The following LTF variants were observed in gnomAD, a reference collection of about 807,000 sequenced individuals.
LTF encodes the protein epididymis luminal protein 110.
LTF carries 91 observed loss-of-function variants against 87.2 expected under a neutral mutation model. The ratio of observed to expected loss-of-function variants is 1.04; its 90% CI spans 0.88 to 1.24. The LOEUF (loss-of-function observed/expected upper bound fraction) is 1.24. Among genes scored for constraint, LTF ranks in the 50% most tolerant of loss-of-function variants. The pLI, the probability that LTF is intolerant of heterozygous loss-of-function variation, is 0.00. For missense variants in LTF, 901 were observed against 904.3 expected, an observed-to-expected ratio of 1.00 and a Z score of 0.05; for synonymous variants, 378 against 356.1, an observed-to-expected ratio of 1.06 and a Z score of -0.69.
At chr3:46,481,034 T>C (rs755158842) in intron 1 of LTF, among the ~76,000 whole-genome samples, 1 of 152,154 alleles carries the variant, frequency 6.6e-6, no homozygotes, top group Non-Finnish European at 1.5e-5. Context: ...CCACACTCCT[T>C]GCCCACAGCA....
At position 46,441,398 on chromosome 3, in the gene LTF, G is replaced by A. The variant is rs1463804515; in HGVS notation, c.1723+18C>T. On this transcript the variant is annotated intron_variant, in intron 14 of 16. Coordinates refer to ENST00000231751, the MANE Select transcript of LTF (RefSeq NM_002343.6). Reference sequence around the variant, plus strand: ...AAAGACTCTGCTTTGAAGGAGAAAAGGAAACACCTTCACCTACCATCAGTG... The same window carrying A: ...AAAGACTCTGCTTTGAAGGAGAAAAAGAAACACCTTCACCTACCATCAGTG... 6 of 1,602,446 alleles carry A rather than the reference G, an allele frequency of 3.7e-6. No homozygotes were observed. The highest frequency in any genetic ancestry group is 8.5e-7 in the Non-Finnish European group (1 of 1,172,776).
In LTF at chr3:46,455,363, C is replaced by T. The variant is rs138961010; in HGVS notation, c.579G>A (p.Ala193=). 4,352 of 1,614,214 alleles carry T rather than the reference C, an allele frequency of 2.7e-3. 4 individuals carry two copies. The highest frequency in any genetic ancestry group is 3.3e-3 in the Non-Finnish European group (3,938 of 1,180,032). The part of the protein sequence containing the change: ...GQFPNLCRLC[A]GTGENKCAFS... ...AGGCACATTTGTTTTCCCCTGTCCC[C>T]GCACACAGGCGACACAGGTTGGGGA... The change falls in exon 5 of 17, where the codon GCG becomes GCA. Residue 193 remains alanine, a synonymous_variant. Coordinates refer to ENST00000231751, the MANE Select transcript of LTF (RefSeq NM_002343.6).
chr3:46,448,219 T>A (rs1702703816), intron 9 of LTF, among the ~76,000 whole-genome samples: 1 of 151,908 alleles, frequency 6.6e-6, no homozygotes, highest in South Asian at 2.1e-4. Context: ...TAATAATAAT[T>A]ATGCAGGTGT....
rs193150262 is a variant in LTF, at chr3:46,443,477, C to A, written c.1619G>T (p.Ser540Ile). The change falls in exon 13 of 17, where the codon AGC becomes ATC. Residue 540 changes from serine (S) to isoleucine (I), a missense_variant. Transcript: ENST00000231751. ...AGTGTAGCCGTAGTATCTCTCGTTG[C>A]TGTTGGGCACGCACTTATTCTCACC... ...EQGENKCVPN[S>I]NERYYGYTGA... 5.6e-6 allele frequency: 9 copies of A among 1,614,214 alleles called. No individual in the cohort carries two copies. In the African/African-American group the frequency reaches 1.2e-4, roughly 22 times the overall value.
rs749122028 is a variant in LTF at position 46,437,976 on chromosome 3, C to T, written c.2062G>A (p.Ala688Thr). 7.4e-6 allele frequency: 12 copies of T among 1,613,836 alleles called. No individual in the cohort carries two copies. Among genetic ancestry groups the T allele is most frequent in the African/African-American group, 2.7e-5 (2 of 74,934 alleles). The change falls in exon 16 of 17, where the codon GCA (alanine) becomes ACA (threonine). Residue 688 changes from alanine (A) to threonine (T), a missense_variant. Ala to Thr is a moderately conservative substitution (Grantham distance 58). Coordinates refer to ENST00000231751, the MANE Select transcript of LTF (RefSeq NM_002343.6). ...CACTTTTTCAGATTAGTAATGCCTG[C>T]GACATACTGTGGTCCCAAATATTTT... The part of the protein sequence containing the change: ...YEKYLGPQYV[A>T]GITNLKKCST...
At chr3:46,455,639 G>A (rs1260336079) in intron 4 of LTF, among the ~76,000 whole-genome samples, 157 bp downstream of exon 4, 1 of 152,162 alleles carries the variant, frequency 6.6e-6, no homozygotes, top group East Asian at 1.9e-4. Flanking sequence ...GGGCTGCTAG[G>A]GTAACGGATC....
At chr3:46,441,751 A>G (rs1035242367) in intron 13 of LTF, 5 of 373,252 alleles carry the variant, frequency 1.3e-5, no homozygotes, top group Non-Finnish European at 2.4e-5. Context: ...AAGTAAGACA[A>G]AGGAAAGCAC....
chr3:46,475,559 CACACACA>C (rs1559612493), intron 1 of LTF, among the ~76,000 whole-genome samples: 3 of 148,252 alleles, frequency 2.0e-5, no homozygotes, highest in East Asian at 1.9e-4. Flanking sequence ...CACACACACA[CACACACA>C]CCCTCTCTTC....
At chr3:46,481,557 A>C (rs1158444781) in intron 1 of LTF, among the ~76,000 whole-genome samples, 1 of 152,186 alleles carries the variant, frequency 6.6e-6, no homozygotes, top group Non-Finnish European at 1.5e-5. Flanking sequence ...TATTGTCATG[A>C]TTAGCCAACA....
intron 15 of LTF, 60 bp downstream of exon 15, chr3:46,439,236 C>T (rs548389612): frequency 1.9e-5 from 29 of 1,503,436 alleles, no homozygotes; most frequent in Non-Finnish European, 2.5e-5. Flanking sequence ...GCTCTGTGAT[C>T]TCCTCACCTA....
chr3:46,444,839 C>T (rs1364273050), intron 12 of LTF, among the ~76,000 whole-genome samples: 5 of 152,292 alleles, frequency 3.3e-5, no homozygotes, highest in African/African-American at 1.2e-4. Context: ...CTCTTGAGGT[C>T]TTATTCAGGC....
rs1347042363 is a variant in LTF at position 46,436,180 on chromosome 3, C to A, written c.*15G>T. 1.9e-6 allele frequency: 3 copies of A among 1,613,924 alleles called. No homozygotes were observed. On this transcript the variant is annotated 3_prime_UTR_variant, in exon 17 of 17. Transcript: ENST00000231751. ...GCTGAGGCTTTCTTGGGGAGCTGGG[C>A]CATCTTCTTCGGTTTTACTTCCTGA...
At chr3:46,438,612 A>C (rs1702443937) in intron 15 of LTF, among the ~76,000 whole-genome samples, 1 of 152,106 alleles carries the variant, frequency 6.6e-6, no homozygotes, top group African/African-American at 2.4e-5. Context: ...CCAGGCTCCC[A>C]TGTGGGGAGA....
intron 1 of LTF, 79 bp from the exon 2 acceptor site, chr3:46,459,898 C>T (rs1703037568): frequency 9.5e-7 from 1 of 1,053,054 alleles, no homozygotes; most frequent in South Asian, 2.3e-5. Flanking sequence ...TGGAGTTTTC[C>T]AGACTCCTCC....
At chr3:46,449,753 C>G (rs1371235806) in intron 8 of LTF, 101 bp downstream of exon 8, 6 of 1,244,810 alleles carry the variant, frequency 4.8e-6, no homozygotes, top group African/African-American at 1.5e-5. Context: ...GATGACCCCA[C>G]AGTGTCTGGG....
chr3:46,462,011 T>C (rs1575322766), intron 1 of LTF, among the ~76,000 whole-genome samples: 2 of 151,940 alleles, frequency 1.3e-5, no homozygotes, highest in South Asian at 4.2e-4. Context: ...TCTGCAGAGG[T>C]TTGGGGACAC....
upstream of LTF, among the ~76,000 whole-genome samples, chr3:46,467,644 C>CTT (rs5848801): frequency 1.6e-5 from 2 of 123,046 alleles, no homozygotes; most frequent in Non-Finnish European, 3.4e-5. Flanking sequence ...CTTTTCTTTT[C>CTT]TTTTTTTTTT....
At chr3:46,464,770 CAG>C (rs962539910) in intron 1 of LTF, 53 bp downstream of exon 1, 1 of 1,593,398 alleles carries the variant, frequency 6.3e-7, no homozygotes, top group Non-Finnish European at 8.6e-7. Context: ...GCCTAGCAGA[CAG>C]GGCGCAGGAG....
At chr3:46,475,280 T>C (rs909054865) in intron 1 of LTF, among the ~76,000 whole-genome samples, 2 of 152,034 alleles carry the variant, frequency 1.3e-5, no homozygotes, top group Non-Finnish European at 2.9e-5. Context: ...ATTTTAAAAC[T>C]CTCAAAAAAG....
Sources: gnomAD v4.1 joint callset for allele counts (sites outside exome capture counted in the v4.1 genomes callset) on GRCh38, gnomAD v4.1.1 for gene constraint, MANE v1.5 for transcripts, NCBI Gene and HGNC (gene_info 2026-07-23, HGNC 2026-07-21) for gene names.